ERV3-1: variants seen among roughly 807,000 people sequenced by gnomAD.
The protein encoded by ERV3-1 is endogenous retrovirus group 3 member 1, envelope, also known as endogenous retrovirus group 3 member 1 Env polyprotein.
Under a neutral mutation model 24.6 loss-of-function variants are expected in ERV3-1, and 36 were observed. The observed-to-expected ratio is 1.47, with a 90% CI of 1.12 to 1.94. The LOEUF (loss-of-function observed/expected upper bound fraction) is 1.94. Among genes scored for constraint, ERV3-1 ranks in the 30% most tolerant of loss-of-function variants. The pLI is 0.00. For synonymous variants in ERV3-1, 211 were observed against 122.6 expected (o/e 1.72, Z -4.76); for missense variants, 578 against 330.9 (o/e 1.75, Z -5.79).
intron 1 of ERV3-1, chr7:65,004,916 T>G (rs374352356): frequency 4.7e-4 from 71 of 150,348 alleles, no homozygotes; most frequent in African/African-American, 1.7e-3. Context: ...ATTTTCTCTT[T>G]CATAATTCTT....
rs962805494 is a variant in ERV3-1, at chr7:64,991,728, C to T, written c.1299G>A (p.Trp433Ter). 6.5e-6 allele frequency: 5 copies of T among 764,666 alleles called. No individual in the cohort carries two copies. Among genetic ancestry groups the T allele is most frequent in the Non-Finnish European group, 1.2e-5 (5 of 417,334 alleles). 47.4% of individuals were successfully genotyped at this position (764,666 alleles called of 1,614,324 possible). The change falls in exon 2 of 2, where the codon TGG (tryptophan) becomes TGA (stop). Residue 433 changes from tryptophan (W) to a stop codon, truncating the protein, a stop_gained. Coordinates refer to ENST00000394323, the MANE Select transcript of ERV3-1 (RefSeq NM_001007253.4). LOFTEE classifies it high-confidence loss of function. ...PQAYRQLPAK[W>*]SGACVLGTIR... ...TTGTCCCCAGTACACAGGCCCCTGA[C>T]CATTTAGCTGGCAGTTGTCGATATG... is the stretch of plus-strand genomic sequence containing the variant.
At chr7:65,005,294 G>A (rs1256883190) in intron 1 of ERV3-1, 1 of 152,212 alleles carries the variant, frequency 6.6e-6, no homozygotes, top group Non-Finnish European at 1.5e-5. Context: ...AAACTGAAGG[G>A]TGGCTGAGGA....
chr7:65,002,291 G>A (rs544621233), intron 1 of ERV3-1, among the ~76,000 whole-genome samples: 2 of 152,148 alleles, frequency 1.3e-5, no homozygotes, highest in Admixed American at 1.3e-4. Context: ...TAAAAAATTA[G>A]CTAAATTTGT....
chr7:64,991,801 T>C lies in ERV3-1; in HGVS notation c.1226A>G (p.Asn409Ser). The C allele has an allele frequency of 6.5e-6, 5 of 766,130 alleles. No individual in the cohort carries two copies. Among genetic ancestry groups the C allele is most frequent in the Non-Finnish European group, 1.2e-5 (5 of 417,896 alleles). 47.5% of individuals were successfully genotyped at this position (766,130 alleles called of 1,614,324 possible). A position where few individuals can be genotyped will look rare whatever the true frequency, so the allele number is the denominator to read the frequency against. The part of the protein sequence containing the change: ...NHSWYQLEAP[N>S]TWQAPSGLYW... Reference sequence around the variant, plus strand: ...GAGGCCAGAGGGTGCCTGCCAGGTATTTGGAGCTTCAAGTTGGTACCAAGA... The same window carrying C: ...GAGGCCAGAGGGTGCCTGCCAGGTACTTGGAGCTTCAAGTTGGTACCAAGA... Residue 409 changes from asparagine to serine, a missense_variant, in exon 2 of 2, where the codon AAT becomes AGT. Physicochemically the swap from Asn to Ser is conservative, Grantham distance 46. Coordinates refer to ENST00000394323, the MANE Select transcript of ERV3-1 (RefSeq NM_001007253.4).
At chr7:64,997,162 C>T (rs182873241) in intron 1 of ERV3-1, among the ~76,000 whole-genome samples, 6 of 152,238 alleles carry the variant, frequency 3.9e-5, no homozygotes, top group Admixed American at 6.5e-5. Flanking sequence ...CACACCCACT[C>T]GCGATGCTAG....
chr7:65,004,506 A>G (rs1786595593), intron 1 of ERV3-1: 1 of 152,176 alleles, frequency 6.6e-6, no homozygotes, highest in African/African-American at 2.4e-5. Flanking sequence ...GGAATATAGG[A>G]TTAGATATTT....
intron 1 of ERV3-1, among the ~76,000 whole-genome samples, chr7:64,995,744 T>G (rs1417176882): frequency 6.6e-6 from 1 of 152,234 alleles, no homozygotes; most frequent in African/African-American, 2.4e-5. Context: ...TTTTGGATAC[T>G]CTATACCCTG....
At position 64,992,054 on chromosome 7, in the gene ERV3-1, C is replaced by T. The variant is rs370257962; in HGVS notation, c.973G>A (p.Glu325Lys). The change falls in exon 2 of 2, where the codon GAA becomes AAA. Residue 325 changes from glutamate to lysine, a missense_variant. Physicochemically the swap from Glu to Lys is moderately conservative, Grantham distance 56 (BLOSUM62 1). Transcript: ENST00000394323. ...ATGCTCTGACTTGATGGTGCAGGTT[C>T]GAGGGAAGAGGCGGTTAGTGTGAAA... is the stretch of plus-strand genomic sequence containing the variant. ...DNFTLTASSL[E>K]PAPSSQSIWF... is the part of the protein sequence containing the mutation. The T allele has an allele frequency of 1.3e-5, 10 of 766,168 alleles. No individual in the cohort carries two copies. Among genetic ancestry groups the T allele is most frequent in the African/African-American group, 5.1e-5 (3 of 59,070 alleles). 47.5% of individuals were successfully genotyped at this position (766,168 alleles called of 1,614,324 possible).
chr7:65,005,684 G>A (rs946681774), intron 1 of ERV3-1, among the ~76,000 whole-genome samples: 2 of 152,198 alleles, frequency 1.3e-5, no homozygotes, highest in Non-Finnish European at 2.9e-5. Flanking sequence ...AATGGGAAAT[G>A]GGGAGAAGTC....
chr7:64,999,194 G>A (rs149751181), intron 1 of ERV3-1, among the ~76,000 whole-genome samples: 191 of 152,232 alleles, frequency 1.3e-3, no homozygotes, highest in African/African-American at 4.1e-3. Flanking sequence ...AGGGAGGGGC[G>A]CCGGGTCATG....
intron 1 of ERV3-1, among the ~76,000 whole-genome samples, chr7:65,003,498 G>A (rs1304989782): frequency 6.6e-6 from 1 of 152,036 alleles, no homozygotes; most frequent in Non-Finnish European, 1.5e-5. Context: ...GAAAAAGAAA[G>A]AAAGAACCTC....
At chr7:65,006,259 C>G in intron 1 of ERV3-1, 2 of 523,182 alleles carry the variant, frequency 3.8e-6, no homozygotes, top group South Asian at 2.1e-5. Context: ...CCTGCACAAT[C>G]GGGGAGAGCT....
At chr7:64,998,548 G>A (rs1375441041) in intron 1 of ERV3-1, among the ~76,000 whole-genome samples, 3 of 152,122 alleles carry the variant, frequency 2.0e-5, no homozygotes, top group African/African-American at 7.2e-5. Flanking sequence ...CTTACTTAAA[G>A]TTCCTTAACA....
chr7:64,994,790 G>C (rs992732054), intron 1 of ERV3-1, among the ~76,000 whole-genome samples: 7 of 152,236 alleles, frequency 4.6e-5, no homozygotes, highest in Non-Finnish European at 1.5e-5. Flanking sequence ...CTGCCAGCTG[G>C]AGAACCCTCG....
In ERV3-1 at chr7:64,990,975, T is replaced by G. The variant is rs1406193450; in HGVS notation, c.*237A>C. On this transcript the variant is annotated 3_prime_UTR_variant, in exon 2 of 2. Transcript: ENST00000394323. Reference sequence around the variant, plus strand: ...AAGAGAAAGCATCACTATCTTCATTTACTTCAAGAGGAAGTAGCTCTTTTC... The same window carrying G: ...AAGAGAAAGCATCACTATCTTCATTGACTTCAAGAGGAAGTAGCTCTTTTC... The G allele has an allele frequency of 7.9e-6, 3 of 381,896 alleles. No individual in the cohort carries two copies. The highest frequency in any genetic ancestry group is 6.2e-5 in the African/African-American group (3 of 48,388). 23.7% of individuals were successfully genotyped at this position (381,896 alleles called of 1,614,324 possible). A position where few individuals can be genotyped will look rare whatever the true frequency, so the allele number is the denominator to read the frequency against.
intron 1 of ERV3-1, 35 bp downstream of exon 1, chr7:65,006,506 C>A: frequency 6.4e-7 from 1 of 1,570,992 alleles, no homozygotes; most frequent in South Asian, 1.1e-5. Flanking sequence ...CCAGCCCCGC[C>A]CCCTCTCTCG....
Position 64,993,046 on chromosome 7 carries a change from C to T in ERV3-1, c.-20G>A. ...CAGCATGGACAGAAAAGGCTTTTTC[C>T]TGGGGGGAGAAGGCTAAGCAAAGTG... On this transcript the variant is annotated 5_prime_UTR_variant, in exon 2 of 2. Transcript: ENST00000394323. 6.9e-6 allele frequency: 5 copies of T among 719,874 alleles called. No homozygotes were observed. The highest frequency in any genetic ancestry group is 1.3e-5 in the Non-Finnish European group (5 of 390,964). 44.6% of individuals were successfully genotyped at this position (719,874 alleles called of 1,614,324 possible). A position where few individuals can be genotyped will look rare whatever the true frequency, so the allele number is the denominator to read the frequency against.
chr7:64,999,303 C>A (rs1179416653), intron 1 of ERV3-1, among the ~76,000 whole-genome samples: 1 of 152,220 alleles, frequency 6.6e-6, no homozygotes, highest in African/African-American at 2.4e-5. Context: ...CCAAAGGAGA[C>A]AGTAAACCTG....
intron 1 of ERV3-1, chr7:65,003,700 C>T (rs899499857): frequency 2.0e-5 from 3 of 152,056 alleles, no homozygotes; most frequent in African/African-American, 7.2e-5. Context: ...AATACAAAAG[C>T]ATTTATTCCT....
Sources: gnomAD v4.1 joint callset for allele counts (sites outside exome capture counted in the v4.1 genomes callset) on GRCh38, gnomAD v4.1.1 for gene constraint, MANE v1.5 for transcripts, NCBI Gene and HGNC (gene_info 2026-07-23, HGNC 2026-07-21) for gene names.